ADGRL3: variants seen among roughly 807,000 people sequenced by gnomAD.
The protein encoded by ADGRL3 is adhesion G protein-coupled receptor L3.
A neutral mutation model predicts 153.5 loss-of-function variants in ADGRL3; 62 were observed. That is an observed-to-expected ratio of 0.40 (90% CI 0.33 to 0.50). ADGRL3 has a LOEUF of 0.50. Among genes scored for constraint, ADGRL3 ranks in the 20% least tolerant of loss-of-function variants. ADGRL3 has a pLI of 0.47. For missense variants in ADGRL3, 1,641 were observed against 1,859.4 expected, an observed-to-expected ratio of 0.88 and a Z score of 2.16; for synonymous variants, 710 against 672.5, an observed-to-expected ratio of 1.06 and a Z score of -0.86.
intron 5 of ADGRL3, among the ~76,000 whole-genome samples, chr4:61,613,708 C>T (rs2091663950): frequency 6.6e-6 from 1 of 152,208 alleles, no homozygotes; most frequent in South Asian, 2.1e-4. Context: ...TCTGCTACTG[C>T]ACTCCAGCCT....
intron 5 of ADGRL3, among the ~76,000 whole-genome samples, chr4:61,628,373 G>C (rs1336314088): frequency 6.6e-6 from 1 of 152,140 alleles, no homozygotes; most frequent in African/African-American, 2.4e-5. Context: ...GACAGCTACG[G>C]TAACTTAATG....
At chr4:61,394,660 G>A (rs886884287) in intron 2 of ADGRL3, among the ~76,000 whole-genome samples, 2 of 151,900 alleles carry the variant, frequency 1.3e-5, no homozygotes, top group Non-Finnish European at 2.9e-5. Context: ...ATGTGTTTGT[G>A]GAAGAGAATT....
chr4:61,672,988 T>G (rs1407272536), intron 5 of ADGRL3, among the ~76,000 whole-genome samples: 1 of 151,986 alleles, frequency 6.6e-6, no homozygotes, highest in East Asian at 1.9e-4. Flanking sequence ...TATAATGGAA[T>G]ATTATTCAGC....
chr4:61,244,023 A>G (rs1756060632), intron 1 of ADGRL3, among the ~76,000 whole-genome samples: 2 of 152,172 alleles, frequency 1.3e-5, no homozygotes, highest in Admixed American at 6.6e-5. Context: ...GTTTGATAGA[A>G]TGCAAAGACT....
chr4:61,801,739 G>A (rs1008427269), intron 8 of ADGRL3, among the ~76,000 whole-genome samples: 15 of 152,158 alleles, frequency 9.9e-5, no homozygotes, highest in African/African-American at 3.4e-4. Context: ...ACTTATATTT[G>A]TTAAGGGATT....
At chr4:61,404,184 C>G (rs752738780) in intron 2 of ADGRL3, among the ~76,000 whole-genome samples, 1 of 152,174 alleles carries the variant, frequency 6.6e-6, no homozygotes, top group South Asian at 2.1e-4. Flanking sequence ...ATTGCACTAA[C>G]TAATGTGTAA....
Position 61,874,789 on chromosome 4 carries a change from C to CTTTTTT in ADGRL3, c.1481-17842_1481-17837dup, listed in dbSNP as rs11432355. On this transcript the variant is annotated intron_variant, in intron 9 of 26. Transcript: ENST00000683033. ...ATATTTTCAACGACATCAAAATGCT[C>CTTTTTT]TTTTTTTTTTTTTTTTTTTTTTTTT... Among the ~76,000 whole-genome samples the CTTTTTT allele has an allele frequency of 4.0e-3, 249 of 61,514 alleles. 42 individuals are homozygous for CTTTTTT. Among genetic ancestry groups the CTTTTTT allele is most frequent in the Middle Eastern group, 0.032 (2 of 62 alleles). The allele number at this position is 61,514 out of a possible 152,430, so 40.4% of individuals were successfully genotyped here.
Position 61,998,223 on chromosome 4 carries a change from C to G in ADGRL3, c.3353C>G (p.Thr1118Ser). ...GIALYKMFHH[T>S]AILKPESGCL... is the part of the protein sequence containing the mutation. ...GCTTTATATAAAATGTTTCATCATACTGCTATACTGAAACCTGAATCAGGC... is the reference window on the plus strand; with the variant it reads ...GCTTTATATAAAATGTTTCATCATAGTGCTATACTGAAACCTGAATCAGGC... Residue 1118 changes from threonine (T) to serine (S), a missense_variant, in exon 21 of 27, where the codon ACT becomes AGT. Transcript: ENST00000683033. 6.3e-7 allele frequency: 1 copy of G among 1,587,314 alleles called. No individual in the cohort carries two copies. Among genetic ancestry groups the G allele is most frequent in the Non-Finnish European group, 8.6e-7 (1 of 1,168,416 alleles).
chr4:61,746,086 C>T (rs2096656315), intron 8 of ADGRL3, among the ~76,000 whole-genome samples: 1 of 151,944 alleles, frequency 6.6e-6, no homozygotes, highest in Admixed American at 6.6e-5. Context: ...GACTTTAAAC[C>T]AACAAAGATC....
chr4:61,780,857 G>C (rs956549202), intron 8 of ADGRL3, among the ~76,000 whole-genome samples: 2 of 152,216 alleles, frequency 1.3e-5, no homozygotes, highest in African/African-American at 4.8e-5. Context: ...GTTTGTTCCA[G>C]ACCCTGTTGC....
At chr4:61,951,146 C>G (rs1263930136) in intron 17 of ADGRL3, among the ~76,000 whole-genome samples, 3 of 152,100 alleles carry the variant, frequency 2.0e-5, no homozygotes, top group African/African-American at 4.8e-5. Context: ...TCTGCAGGCT[C>G]AGAGTACGAG....
chr4:61,333,659 C>CA (rs1239651740), intron 1 of ADGRL3, among the ~76,000 whole-genome samples: 12 of 151,984 alleles, frequency 7.9e-5, no homozygotes, highest in Non-Finnish European at 1.5e-5. Context: ...AGGTCACAAT[C>CA]ACGGCTTACT....
Position 61,722,539 on chromosome 4 carries a change from A to G in ADGRL3, c.584-8083A>G, listed in dbSNP as rs142049490. Among the ~76,000 whole-genome samples the G allele has an allele frequency of 2.6e-3, 390 of 152,298 alleles. 5 individuals are homozygous for G. Among genetic ancestry groups the G allele is most frequent in the African/African-American group, 8.4e-3 (350 of 41,566 alleles). ...GGATTCACTAGCCAAAGAACAGAAA[A>G]TATTTTGTATTTAATAATAACATGG... On this transcript the variant is annotated intron_variant, in intron 6 of 26. Transcript: ENST00000683033.
chr4:61,835,337 G>GAAAAAAAAAAGAA (rs2097918951), intron 9 of ADGRL3, among the ~76,000 whole-genome samples: 1 of 33,058 alleles, frequency 3.0e-5, no homozygotes, highest in African/African-American at 1.1e-4. Flanking sequence ...TGGCAAGACT[G>GAAAAAAAAAAGAA]AAAAAAAAAA....
chr4:61,992,196 G>T lies in ADGRL3; in HGVS notation c.3237-4095G>T, dbSNP rs556261679. The stretch of plus-strand genomic sequence containing the variant: ...TTCAGATAAATTGTATTCTTCAATA[G>T]CAGGTCTGTCTTACCATTCACAAGC... On this transcript the variant is annotated intron_variant, in intron 19 of 26. Transcript: ENST00000683033. Among the ~76,000 whole-genome samples, 285 of 152,180 alleles carry T rather than the reference G, an allele frequency of 1.9e-3. 4 individuals are homozygous for T. Among genetic ancestry groups the T allele is most frequent in the Non-Finnish European group, 1.9e-4 (13 of 68,012 alleles).
At chr4:61,480,384 A>G (rs1019098444) in intron 2 of ADGRL3, among the ~76,000 whole-genome samples, 2 of 152,224 alleles carry the variant, frequency 1.3e-5, no homozygotes, top group Non-Finnish European at 1.5e-5. Context: ...AAGGCTGAAT[A>G]ATATTTTGTT....
rs188442566 is a variant in ADGRL3 at position 61,985,061 on chromosome 4, C to T, written c.3236+1458C>T. On this transcript the variant is annotated intron_variant, in intron 19 of 26. Transcript: ENST00000683033. ...GGAAAAGTCTTGGGAGGTAGAAAGA[C>T]ACAAGACTAAACACAAGATTGGAAA... Among the ~76,000 whole-genome samples, 34 of 151,902 alleles carry T rather than the reference C, an allele frequency of 2.2e-4. No homozygotes were observed. The East Asian group carries it at 3.9e-3, about 17-fold the overall frequency.
At chr4:61,733,673 TG>T in intron 8 of ADGRL3, 119 bp downstream of exon 8, 1 of 756,208 alleles carries the variant, frequency 1.3e-6, no homozygotes, top group East Asian at 2.7e-5. Context: ...ACCTGAAAAT[TG>T]TTCTTTGTCT....
At chr4:61,746,951 A>G (rs1353411585) in intron 8 of ADGRL3, among the ~76,000 whole-genome samples, 2 of 152,224 alleles carry the variant, frequency 1.3e-5, no homozygotes, top group East Asian at 1.9e-4. Flanking sequence ...CAAAATTGAT[A>G]GACTGCCAGC....
Sources: gnomAD v4.1 joint callset for allele counts (sites outside exome capture counted in the v4.1 genomes callset) on GRCh38, gnomAD v4.1.1 for gene constraint, MANE v1.5 for transcripts, NCBI Gene and HGNC (gene_info 2026-07-23, HGNC 2026-07-21) for gene names.